The following PAK1 variants were observed in gnomAD, a reference collection of about 807,000 sequenced individuals.
PAK1 encodes the protein serine/threonine-protein kinase PAK 1.
Under a neutral mutation model 67.4 loss-of-function variants are expected in PAK1, and 29 were observed. That is an observed-to-expected ratio of 0.43 (90% CI 0.32 to 0.59). The LOEUF (loss-of-function observed/expected upper bound fraction) is 0.59. PAK1 is among the 20% of genes least tolerant of loss of function. The pLI is 0.07. For missense variants in PAK1, 337 were observed against 670.7 expected (o/e 0.50, Z 5.50); for synonymous variants, 223 against 237.4 (o/e 0.94, Z 0.56).
At chr11:77,329,799 G>A (rs1941010743) in intron 14 of PAK1, among the ~76,000 whole-genome samples, 2 of 152,106 alleles carry the variant, frequency 1.3e-5, no homozygotes, top group Non-Finnish European at 1.5e-5. Context: ...TCAGGCAGGA[G>A]AAGGAAATAA....
chr11:77,402,460 A>G (rs1477152987), intron 1 of PAK1, among the ~76,000 whole-genome samples: 2 of 152,174 alleles, frequency 1.3e-5, no homozygotes, highest in Admixed American at 1.3e-4. Context: ...CATCTTGGGA[A>G]ATTCCTAATC....
intron 2 of PAK1, among the ~76,000 whole-genome samples, chr11:77,381,352 C>T (rs1055788725): frequency 3.3e-5 from 5 of 152,094 alleles, no homozygotes; most frequent in African/African-American, 9.7e-5. Flanking sequence ...AGATGGCATC[C>T]CACAGTTTTA....
chr11:77,425,885 C>T (rs1955517801), intron 1 of PAK1, among the ~76,000 whole-genome samples: 1 of 152,052 alleles, frequency 6.6e-6, no homozygotes, highest in Non-Finnish European at 1.5e-5. Context: ...AGGGGGATCG[C>T]TTGAGCCCAC....
In PAK1 at chr11:77,336,238, G is replaced by A. The variant is rs972319037; in HGVS notation, c.1261C>T (p.Arg421Trp). ...CAQITPEQSK[R>W]STMVGTPYWM... Reference sequence around the variant, plus strand: ...TATGGGGTTCCTACCATGGTGCTCCGTTTGCTCTGCTCTGGGGTTATCTGT... The same window carrying A: ...TATGGGGTTCCTACCATGGTGCTCCATTTGCTCTGCTCTGGGGTTATCTGT... Residue 421 changes from arginine (R) to tryptophan (W), a missense_variant, in exon 13 of 15, where the codon CGG becomes TGG. This residue lies in a region of PAK1 where 71 missense variants were observed against 160.5 expected (regional missense o/e 0.44). Transcript: ENST00000356341. The A allele has an allele frequency of 6.2e-7, 1 of 1,613,922 alleles. No homozygotes were observed. The highest frequency in any genetic ancestry group is 8.5e-7 in the Non-Finnish European group (1 of 1,179,842).
intron 1 of PAK1, among the ~76,000 whole-genome samples, chr11:77,408,540 C>T (rs944284312): frequency 5.3e-5 from 8 of 150,862 alleles, no homozygotes; most frequent in South Asian, 2.1e-4. Context: ...AATACACACA[C>T]ACACACACAC....
At chr11:77,454,866 G>A (rs1440194008) in intron 1 of PAK1, among the ~76,000 whole-genome samples, 1 of 152,120 alleles carries the variant, frequency 6.6e-6, no homozygotes, top group Non-Finnish European at 1.5e-5. Flanking sequence ...ATCAGTACCT[G>A]GCATGTCCCT....
In PAK1 at chr11:77,332,815, T is replaced by C; in HGVS notation, c.1466A>G (p.Lys489Arg). ...AAAGTCCCGGAAGATAGCTGACAGC[T>C]TCTCTGGGTTCTGAAGTTCTGGGGT... ...NGTPELQNPE[K>R]LSAIFRDFLN... Residue 489 changes from lysine (K) to arginine (R), a missense_variant, in exon 14 of 15, where the codon AAG becomes AGG. Physicochemically the swap from Lys to Arg is conservative, Grantham distance 26. Transcript: ENST00000356341. 1 of 1,613,588 alleles carries C rather than the reference T, an allele frequency of 6.2e-7. No individual in the cohort carries two copies. Among genetic ancestry groups the C allele is most frequent in the South Asian group, 1.1e-5 (1 of 91,056 alleles).
chr11:77,395,789 G>A (rs1469993494), intron 1 of PAK1, among the ~76,000 whole-genome samples: 1 of 152,162 alleles, frequency 6.6e-6, no homozygotes, highest in African/African-American at 2.4e-5. Flanking sequence ...AAGCAAGCAA[G>A]GACAATCTTG....
chr11:77,400,281 T>C (rs902971970), intron 1 of PAK1, among the ~76,000 whole-genome samples: 1 of 152,116 alleles, frequency 6.6e-6, no homozygotes, highest in Non-Finnish European at 1.5e-5. Context: ...AATGGGAGAC[T>C]GAAAAAGTGG....
chr11:77,429,107 C>CAT (rs1955740144), intron 1 of PAK1, among the ~76,000 whole-genome samples: 2 of 92,558 alleles, frequency 2.2e-5, no homozygotes, highest in Admixed American at 3.1e-4. Context: ...CACACACACA[C>CAT]ATCAGGATTC....
At chr11:77,486,670 A>C in the PAK1 span, among the ~76,000 whole-genome samples, 1 of 152,122 alleles carries the variant, frequency 6.6e-6, no homozygotes, top group Non-Finnish European at 1.5e-5. Flanking sequence ...TTGCATTGGA[A>C]CTCACTGCCA....
In PAK1 at chr11:77,374,310, G is replaced by C. The variant is rs1251533276; in HGVS notation, c.477+18C>G. ...CTCCACATCTGCCCACATCAAAATA[G>C]AGTAAATAAAGACTTACCAAGGCAT... is the stretch of plus-strand genomic sequence containing the variant. On this transcript the variant is annotated intron_variant, in intron 5 of 14. Coordinates refer to ENST00000356341, the MANE Select transcript of PAK1 (RefSeq NM_002576.5). 2.0e-6 allele frequency: 3 copies of C among 1,529,584 alleles called. No individual in the cohort carries two copies. Among genetic ancestry groups the C allele is most frequent in the Admixed American group, 1.7e-5 (1 of 59,796 alleles). 94.8% of individuals were successfully genotyped at this position (1,529,584 alleles called of 1,614,324 possible).
the PAK1 span, among the ~76,000 whole-genome samples, chr11:77,504,189 G>A: frequency 2.0e-4 from 31 of 151,970 alleles, no homozygotes; most frequent in South Asian, 5.8e-3. Context: ...CACTGCACCC[G>A]GCCCCTATTA....
At chr11:77,444,308 C>G (rs1451840033) in intron 1 of PAK1, among the ~76,000 whole-genome samples, 2 of 150,396 alleles carry the variant, frequency 1.3e-5, no homozygotes, top group African/African-American at 4.9e-5. Context: ...AAAAAAAACC[C>G]GACGCCTGGG....
At chr11:77,484,959 AAAAAAG>A in the PAK1 span, among the ~76,000 whole-genome samples, 2 of 152,212 alleles carry the variant, frequency 1.3e-5, no homozygotes, top group Non-Finnish European at 2.9e-5. Flanking sequence ...GTAGCAGGCA[AAAAAAG>A]AGAGAGCTTG....
At chr11:77,355,900 C>A in intron 6 of PAK1, 58 bp from the exon 7 acceptor site, 6 of 1,090,578 alleles carry the variant, frequency 5.5e-6, no homozygotes, top group South Asian at 2.6e-5. Context: ...AGGGGAACCT[C>A]TCCTAGATGT....
intron 1 of PAK1, among the ~76,000 whole-genome samples, chr11:77,462,065 G>T (rs1410436182): frequency 6.6e-6 from 1 of 152,122 alleles, no homozygotes; most frequent in Non-Finnish European, 1.5e-5. Flanking sequence ...TGTGGCTCAC[G>T]CCTGTAATCC....
chr11:77,473,197 G>A (rs1241681591), intron 1 of PAK1, among the ~76,000 whole-genome samples: 1 of 152,244 alleles, frequency 6.6e-6, no homozygotes, highest in African/African-American at 2.4e-5. Context: ...AGCGCCGCAG[G>A]ACTGCGAAGT....
At chr11:77,339,561 T>A (rs532940451) in intron 11 of PAK1, among the ~76,000 whole-genome samples, 103 of 152,274 alleles carry the variant, frequency 6.8e-4, no homozygotes, top group African/African-American at 2.5e-3. Flanking sequence ...CAATTACTTG[T>A]GAACATTCTA....
Sources: gnomAD v4.1 joint callset for allele counts (sites outside exome capture counted in the v4.1 genomes callset) on GRCh38, gnomAD v4.1.1 for gene constraint, gnomAD v4.1.1 regional missense constraint, MANE v1.5 for transcripts, NCBI Gene and HGNC (gene_info 2026-07-23, HGNC 2026-07-21) for gene names.